PLA2G4A: variants seen among roughly 807,000 people sequenced by gnomAD.
PLA2G4A encodes phospholipase A2 group IVA.
In PLA2G4A, 40 loss-of-function variants were observed where a neutral mutation model predicts 81.9. That is an observed-to-expected ratio of 0.49 (90% confidence interval 0.38 to 0.64). The LOEUF (loss-of-function observed/expected upper bound fraction) is 0.64, where lower values mean the gene tolerates loss of function less well. Ranked by LOEUF, PLA2G4A falls within the 30% of genes least tolerant of loss-of-function variation. The pLI is 0.00. For synonymous variants in PLA2G4A, 302 were observed against 296.9 expected, an observed-to-expected ratio of 1.02 and a Z score of -0.18; for missense variants, 715 against 905.1, an observed-to-expected ratio of 0.79 and a Z score of 2.69.
intron 3 of PLA2G4A, among the ~76,000 whole-genome samples, chr1:186,887,522 C>G (rs189058354): frequency 2.0e-5 from 3 of 152,064 alleles, no homozygotes; most frequent in Admixed American, 2.0e-4. Flanking sequence ...ACACCCCCGA[C>G]ATTTTTTGTT....
rs12720564 is a variant in PLA2G4A, at chr1:186,911,801, G to T, written c.558+412G>T. On this transcript the variant is annotated intron_variant, in intron 7 of 17. Coordinates refer to ENST00000367466, the MANE Select transcript of PLA2G4A (RefSeq NM_024420.3). ...TATGAAGTTTGGCTCACATGATTAT[G>T]GAGGCCAAGCAGTCCCACGATATGC... 7.5e-3 allele frequency among the ~76,000 whole-genome samples: 1,134 copies of T among 152,180 alleles called. 17 individuals carry two copies. Among genetic ancestry groups the T allele is most frequent in the African/African-American group, 0.025 (1,022 of 41,510 alleles).
intron 2 of PLA2G4A, among the ~76,000 whole-genome samples, chr1:186,863,099 A>G (rs895997332): frequency 2.6e-5 from 4 of 152,124 alleles, no homozygotes; most frequent in Non-Finnish European, 5.9e-5. Context: ...TTAAGTAAAT[A>G]TTTTACCATT....
At chr1:186,957,647 A>C (rs1347777918) in intron 14 of PLA2G4A, among the ~76,000 whole-genome samples, 1 of 152,178 alleles carries the variant, frequency 6.6e-6, no homozygotes, top group Non-Finnish European at 1.5e-5. Flanking sequence ...TATTGGAACT[A>C]TCTCTCCAGT....
rs560322115 is a variant in PLA2G4A at position 186,895,087 on chromosome 1, C to T, written c.378+876C>T. Among the ~76,000 whole-genome samples the T allele has an allele frequency of 2.0e-4, 30 of 152,282 alleles. No homozygotes were observed. In the South Asian group the frequency reaches 6.0e-3, roughly 31 times the overall value. ...TTACTGTCCCAAATGAGTCTTCCTC[C>T]TTTGAGTCTCCATGATAATTATCTA... On this transcript the variant is annotated intron_variant, in intron 5 of 17. Transcript: ENST00000367466.
At position 186,979,419 on chromosome 1, in the gene PLA2G4A, G is replaced by A. The variant is rs1042568532; in HGVS notation, c.2065G>A (p.Ala689Thr). Residue 689 changes from alanine to threonine, a missense_variant, in exon 17 of 18, where the codon GCA becomes ACA. Physicochemically the swap from Ala to Thr is moderately conservative, Grantham distance 58. Coordinates refer to ENST00000367466, the MANE Select transcript of PLA2G4A (RefSeq NM_024420.3). ...CTTCAATTTTCAATATCCAAATCAA[G>A]CATTCAAAAGACTACATGATCTTAT... ...STFNFQYPNQAFKRLHDLMHF... is the reference protein window; with the variant it reads ...STFNFQYPNQTFKRLHDLMHF... 9.4e-6 allele frequency: 15 copies of A among 1,602,106 alleles called. No homozygotes were observed. Among genetic ancestry groups the A allele is most frequent in the Admixed American group, 1.7e-5 (1 of 59,974 alleles).
At chr1:186,970,589 C>G (rs988863174) in intron 15 of PLA2G4A, among the ~76,000 whole-genome samples, 1 of 151,888 alleles carries the variant, frequency 6.6e-6, no homozygotes, top group African/African-American at 2.4e-5. Context: ...TTATATATGT[C>G]AAGAGACAGC....
chr1:186,829,749 T>C (rs929119369), intron 1 of PLA2G4A, among the ~76,000 whole-genome samples: 2 of 152,218 alleles, frequency 1.3e-5, no homozygotes, highest in African/African-American at 4.8e-5. Context: ...AAAAAGGTAT[T>C]TGATTTTAAA....
intron 2 of PLA2G4A, among the ~76,000 whole-genome samples, chr1:186,862,464 A>T (rs1652846193): frequency 6.6e-6 from 1 of 152,044 alleles, no homozygotes; most frequent in African/African-American, 2.4e-5. Context: ...CACCTTCCTC[A>T]GTTTCCCAAA....
At chr1:186,970,134 G>A (rs1216130148) in intron 15 of PLA2G4A, among the ~76,000 whole-genome samples, 1 of 151,922 alleles carries the variant, frequency 6.6e-6, no homozygotes, top group Non-Finnish European at 1.5e-5. Flanking sequence ...TCTTATTGTA[G>A]TTTTAATTTG....
intron 2 of PLA2G4A, 92 bp downstream of exon 2, chr1:186,854,479 G>C: frequency 1.2e-6 from 1 of 815,270 alleles, no homozygotes; most frequent in Non-Finnish European, 2.2e-6. Flanking sequence ...GTCAAACTGT[G>C]ACAACTTCTG....
At chr1:186,843,626 G>A (rs28679753) in intron 1 of PLA2G4A, among the ~76,000 whole-genome samples, 1 of 152,216 alleles carries the variant, frequency 6.6e-6, no homozygotes, top group Non-Finnish European at 1.5e-5. Context: ...GATAAATTAA[G>A]AGATGACTGA....
intron 3 of PLA2G4A, among the ~76,000 whole-genome samples, chr1:186,887,853 T>C (rs1283296687): frequency 6.6e-6 from 1 of 152,218 alleles, no homozygotes; most frequent in Non-Finnish European, 1.5e-5. Flanking sequence ...GTGATGGTTA[T>C]AGATTATGCA....
chr1:186,985,095 C>A (rs1007165140), intron 17 of PLA2G4A, among the ~76,000 whole-genome samples: 1 of 152,176 alleles, frequency 6.6e-6, no homozygotes, highest in Non-Finnish European at 1.5e-5. Flanking sequence ...TTCATTCTAG[C>A]CAGGCCAGAA....
At chr1:186,979,892 A>AT (rs1276245095) in intron 17 of PLA2G4A, among the ~76,000 whole-genome samples, 3 of 143,468 alleles carry the variant, frequency 2.1e-5, no homozygotes, top group African/African-American at 7.7e-5. Flanking sequence ...GATTTTACAT[A>AT]TTTTCTTTTT....
intron 5 of PLA2G4A, among the ~76,000 whole-genome samples, chr1:186,903,911 G>A (rs926267699): frequency 2.0e-5 from 3 of 152,096 alleles, no homozygotes; most frequent in African/African-American, 7.2e-5. Context: ...CCACAAAACC[G>A]GTCCCTGGTG....
chr1:186,894,907 G>T (rs1558410871), intron 5 of PLA2G4A, among the ~76,000 whole-genome samples: 1 of 152,146 alleles, frequency 6.6e-6, no homozygotes. Flanking sequence ...AACAACTGGT[G>T]GGCCTGTATG....
chr1:186,963,457 A>T (rs1340162745), intron 14 of PLA2G4A, among the ~76,000 whole-genome samples: 1 of 152,178 alleles, frequency 6.6e-6, no homozygotes, highest in East Asian at 1.9e-4. Flanking sequence ...TATTTAAAGA[A>T]CTATTTCTCG....
In PLA2G4A at chr1:186,988,672, T is replaced by C; in HGVS notation, c.*164T>C. The C allele has an allele frequency of 1.7e-6, 1 of 594,190 alleles. No homozygotes were observed. Among genetic ancestry groups the C allele is most frequent in the Non-Finnish European group, 3.1e-6 (1 of 324,056 alleles). The allele number at this position is 594,190 out of a possible 1,614,324, so 36.8% of individuals were successfully genotyped here. A position where few individuals can be genotyped will look rare whatever the true frequency, so the allele number is the denominator to read the frequency against. On this transcript the variant is annotated 3_prime_UTR_variant, in exon 18 of 18. Transcript: ENST00000367466. ...TGCATGAGAATAATACTATTATAAG[T>C]TAGGTTGACAAATGATGTTGATTAT...
At chr1:186,863,596 C>G (rs1189492442) in intron 2 of PLA2G4A, among the ~76,000 whole-genome samples, 1 of 151,910 alleles carries the variant, frequency 6.6e-6, no homozygotes, top group East Asian at 1.9e-4. Flanking sequence ...TTTCTCCTAC[C>G]TAACTTTTTA....
Sources: allele counts gnomAD v4.1 joint callset (sites outside exome capture counted in the v4.1 genomes callset), GRCh38; gene constraint gnomAD v4.1.1; transcripts MANE v1.5; gene names NCBI Gene and HGNC (gene_info 2026-07-23, HGNC 2026-07-21).